The following MADCAM1 variants were observed in gnomAD, a reference collection of about 807,000 sequenced individuals.
MADCAM1 encodes mucosal addressin cell adhesion molecule 1.
A neutral mutation model predicts 26.1 loss-of-function variants in MADCAM1; 19 were observed. The observed-to-expected ratio is 0.73, with a 90% CI of 0.51 to 1.07. MADCAM1 has a LOEUF of 1.07. Among genes scored for constraint, MADCAM1 ranks in the 50% least tolerant of loss-of-function variants. The pLI is 0.00. For missense variants in MADCAM1, 514 were observed against 542.1 expected (o/e 0.95, Z 0.51); for synonymous variants, 268 against 260.9 (o/e 1.03, Z -0.26).
Position 504,873 on chromosome 19 carries a change from AC to A in MADCAM1, c.1060del (p.His354ThrfsTer6), listed in dbSNP as rs1170450459. The part of the protein sequence containing the change: ...KRCRHLAEDD[T>X]HPPASLRLLP... Reference sequence around the variant, plus strand: ...CTGCCGGCACCTGGCTGAGGACGACACCCACCCACCAGCTTCTCTGAGGCTT... The same window carrying A: ...CTGCCGGCACCTGGCTGAGGACGACACCACCCACCAGCTTCTCTGAGGCTT... On this transcript the variant is annotated frameshift_variant, in exon 5 of 5. Transcript: ENST00000215637. LOFTEE classifies it low-confidence loss of function (END_TRUNC). 1 of 1,612,556 alleles carries A rather than the reference AC, an allele frequency of 6.2e-7. No individual in the cohort carries two copies. The highest frequency in any genetic ancestry group is 8.5e-7 in the Non-Finnish European group (1 of 1,179,898).
At position 498,476 on chromosome 19, in the gene MADCAM1, C is replaced by T. The variant is rs200018491; in HGVS notation, c.338-20C>T. 2 of 1,455,722 alleles carry T rather than the reference C, an allele frequency of 1.4e-6. No homozygotes were observed. Among genetic ancestry groups the T allele is most frequent in the African/African-American group, 1.5e-5 (1 of 67,802 alleles). The allele number at this position is 1,455,722 out of a possible 1,614,324, so 90.2% of individuals were successfully genotyped here. A position where few individuals can be genotyped will look rare whatever the true frequency, so the allele number is the denominator to read the frequency against. On this transcript the variant is annotated intron_variant, in intron 2 of 4. Coordinates refer to ENST00000215637, the MANE Select transcript of MADCAM1 (RefSeq NM_130760.3). ...GCCCTGACTCTGGGCTCAGCCCTCA[C>T]CCCCGACCCTCCATCACAGCCTTCC...
At chr19:499,855 C>A (rs1978310623) in intron 3 of MADCAM1, 1 of 456,242 alleles carries the variant, frequency 2.2e-6, no homozygotes, top group African/African-American at 2.0e-5. Flanking sequence ...CTGCCGGCTT[C>A]TCCCACTAAA....
chr19:504,541 A>G (rs1024515121), intron 4 of MADCAM1, among the ~76,000 whole-genome samples: 2 of 152,136 alleles, frequency 1.3e-5, no homozygotes, highest in Non-Finnish European at 2.9e-5. Flanking sequence ...TTCAGGCGTG[A>G]GCCACCCCGC....
Position 498,804 on chromosome 19 carries a change from A to C in MADCAM1, c.646A>C (p.Ser216Arg). ...GATGAGGCTGCCTGGCTTGGAGCTC[A>C]GCCACCGCCAGGCCATCCCCGGTGA... ...ATMRLPGLEL[S>R]HRQAIPVLHS... is the part of the protein sequence containing the mutation. Residue 216 changes from serine to arginine, a missense_variant, in exon 3 of 5, where the codon AGC becomes CGC. Ser to Arg is a moderately radical substitution (Grantham distance 110). This residue lies in a region of MADCAM1 where 317 missense variants were observed against 313.6 expected (regional missense o/e 1.01). Transcript: ENST00000215637. The C allele has an allele frequency of 7.7e-7, 1 of 1,296,850 alleles. No individual in the cohort carries two copies. Among genetic ancestry groups the C allele is most frequent in the Admixed American group, 2.9e-5 (1 of 34,494 alleles). 80.3% of individuals were successfully genotyped at this position (1,296,850 alleles called of 1,614,324 possible).
Position 501,888 on chromosome 19 carries a change from C to G in MADCAM1, c.887C>G (p.Ser296Cys). ...GSTRTRRPEI[S>C]QAGPTQGEVI... ...ACCAGGACTCGCCGCCCTGAGATCT[C>G]CCAGGCTGGGCCCACGCAGGGAGAA... is the stretch of plus-strand genomic sequence containing the variant. The change falls in exon 4 of 5, where the codon TCC becomes TGC. Residue 296 changes from serine (S) to cysteine (C), a missense_variant. Coordinates refer to ENST00000215637, the MANE Select transcript of MADCAM1 (RefSeq NM_130760.3). 6.4e-7 allele frequency: 1 copy of G among 1,557,378 alleles called. No homozygotes were observed. Among genetic ancestry groups the G allele is most frequent in the Non-Finnish European group, 8.7e-7 (1 of 1,151,648 alleles).
chr19:503,447 A>C (rs3999754), intron 4 of MADCAM1, among the ~76,000 whole-genome samples: 4 of 149,924 alleles, frequency 2.7e-5, no homozygotes, highest in Non-Finnish European at 5.9e-5. Context: ...CGGGCGTGGC[A>C]GCGGGCGCCT....
chr19:504,559 G>A (rs991980529), intron 4 of MADCAM1, among the ~76,000 whole-genome samples, 186 bp from the exon 5 acceptor site: 4 of 152,138 alleles, frequency 2.6e-5, no homozygotes, highest in Non-Finnish European at 4.4e-5. Flanking sequence ...CGCCTGGCCT[G>A]GACTGCCCAT....
intron 3 of MADCAM1, among the ~76,000 whole-genome samples, chr19:501,340 C>G (rs1454745616): frequency 1.3e-5 from 2 of 151,598 alleles, no homozygotes; most frequent in Non-Finnish European, 2.9e-5. Flanking sequence ...ACAAAATTAG[C>G]CAGGTGTGGT....
chr19:498,617 C>CG lies in MADCAM1; in HGVS notation c.464dup (p.Gln156ProfsTer139). ...ACGCGCTCTCCTTCTCCCTGCTCGT[C>CG]GGGGGCCAGGAACTGGAGGGGGCGC... On this transcript the variant is annotated frameshift_variant, in exon 3 of 5. Coordinates refer to ENST00000215637, the MANE Select transcript of MADCAM1 (RefSeq NM_130760.3). LOFTEE classifies it high-confidence loss of function. The CG allele has an allele frequency of 6.8e-7, 1 of 1,476,734 alleles. No individual in the cohort carries two copies. The highest frequency in any genetic ancestry group is 8.9e-7 in the Non-Finnish European group (1 of 1,119,040). 91.5% of individuals were successfully genotyped at this position (1,476,734 alleles called of 1,614,324 possible). A position where few individuals can be genotyped will look rare whatever the true frequency, so the allele number is the denominator to read the frequency against.
intron 3 of MADCAM1, among the ~76,000 whole-genome samples, chr19:500,999 C>G (rs1978319992): frequency 6.6e-6 from 1 of 152,082 alleles, no homozygotes; most frequent in Non-Finnish European, 1.5e-5. Context: ...CCAGCTTGGG[C>G]AACATACGAG....
chr19:503,435 G>A (rs1326698276), intron 4 of MADCAM1, among the ~76,000 whole-genome samples: 2 of 151,342 alleles, frequency 1.3e-5, no homozygotes, highest in African/African-American at 4.9e-5. Flanking sequence ...CAAAAAATTA[G>A]CCGGGCGTGG....
rs78071082 is a variant in MADCAM1, at chr19:501,714, C to G, written c.713C>G (p.Pro238Arg). The G allele has an allele frequency of 3.0e-6, 4 of 1,345,300 alleles. No homozygotes were observed. The highest frequency in any genetic ancestry group is 3.9e-6 in the Non-Finnish European group (4 of 1,033,530). 83.3% of individuals were successfully genotyped at this position (1,345,300 alleles called of 1,614,324 possible). The change falls in exon 4 of 5, where the codon CCG (proline) becomes CGG (arginine). Residue 238 changes from proline to arginine, a missense_variant. Around this residue, in one of 3 missense-constraint regions of MADCAM1, gnomAD observed 45 missense variants for 91.8 expected, o/e 0.49. Transcript: ENST00000215637. Reference sequence around the variant, plus strand: ...CCGGAGCCTCCCGACACCACCTCCCCGGAGTCTCCCGACACCACCTCCCCG... The same window carrying G: ...CCGGAGCCTCCCGACACCACCTCCCGGGAGTCTCCCGACACCACCTCCCCG... ...TSPEPPDTTS[P>R]ESPDTTSPES...
chr19:499,092 G>A (rs1010373040), intron 3 of MADCAM1: 10 of 667,536 alleles, frequency 1.5e-5, no homozygotes, highest in Non-Finnish European at 2.5e-5. Flanking sequence ...GGGGCCCACA[G>A]GAACCTGCAC....
intron 4 of MADCAM1, among the ~76,000 whole-genome samples, chr19:503,512 C>T (rs1326335447): frequency 1.3e-4 from 16 of 126,358 alleles, no homozygotes; most frequent in African/African-American, 3.7e-4. Flanking sequence ...ACCTGGGAGG[C>T]GGAGCCTGCA....
In MADCAM1 at chr19:498,611, G is replaced by A; in HGVS notation, c.453G>A (p.Leu151=). The change falls in exon 3 of 5, where the codon CTG becomes CTA. Residue 151 remains leucine, a synonymous_variant. Coordinates refer to ENST00000215637, the MANE Select transcript of MADCAM1 (RefSeq NM_130760.3). Reference sequence around the variant, plus strand: ...ACCCCAACGCGCTCTCCTTCTCCCTGCTCGTCGGGGGCCAGGAACTGGAGG... The same window carrying A: ...ACCCCAACGCGCTCTCCTTCTCCCTACTCGTCGGGGGCCAGGAACTGGAGG... ...PVDPNALSFS[L]LVGGQELEGA... 2 of 1,477,708 alleles carry A rather than the reference G, an allele frequency of 1.4e-6. No individual in the cohort carries two copies. Among genetic ancestry groups the A allele is most frequent in the African/African-American group, 1.4e-5 (1 of 69,186 alleles). The allele number at this position is 1,477,708 out of a possible 1,614,324, so 91.5% of individuals were successfully genotyped here.
At position 500,956 on chromosome 19, in the gene MADCAM1, G is replaced by GCGGGAGGATCACTTGAGTA. The variant is rs1390101666; in HGVS notation, c.668-711_668-693dup. On this transcript the variant is annotated intron_variant, in intron 3 of 4. Transcript: ENST00000215637. ...TGTAGGCCAGCCATGGGAGGCTGAG[G>GCGGGAGGATCACTTGAGTA]CGGGAGGATCACTTGAGTACAGGAG... Among the ~76,000 whole-genome samples, 80 of 152,310 alleles carry GCGGGAGGATCACTTGAGTA rather than the reference G, an allele frequency of 5.3e-4. 1 individual carries two copies. Among genetic ancestry groups the GCGGGAGGATCACTTGAGTA allele is most frequent in the African/African-American group, 1.9e-3 (78 of 41,568 alleles).
intron 3 of MADCAM1, chr19:499,085 G>T: frequency 1.5e-6 from 1 of 678,590 alleles, no homozygotes; most frequent in Non-Finnish European, 2.7e-6. Context: ...CCTCCCGGGG[G>T]CCCACAGGAA....
At chr19:502,074 C>T (rs972551762) in intron 4 of MADCAM1, 145 bp downstream of exon 4, 40 of 951,552 alleles carry the variant, frequency 4.2e-5, no homozygotes, top group Admixed American at 6.3e-5. Context: ...TGCCCAGCCT[C>T]GGTTTCCCCA....
Position 498,639 on chromosome 19 carries a change from G to T in MADCAM1, c.481G>T (p.Ala161Ser), listed in dbSNP as rs376416942. Residue 161 changes from alanine to serine, a missense_variant, in exon 3 of 5, where the codon GCG becomes TCG. By Grantham distance (99) the Ala-to-Ser change is moderately conservative (BLOSUM62 1). Around this residue, in one of 3 missense-constraint regions of MADCAM1, gnomAD observed 317 missense variants for 313.6 expected, o/e 1.01. Transcript: ENST00000215637. ...CGTCGGGGGCCAGGAACTGGAGGGG[G>T]CGCAAGCCCTGGGCCCGGAGGTGCA... is the stretch of plus-strand genomic sequence containing the variant. ...LLVGGQELEG[A>S]QALGPEVQEE... 166 of 1,467,252 alleles carry T rather than the reference G, an allele frequency of 1.1e-4. No homozygotes were observed. Among genetic ancestry groups the T allele is most frequent in the Non-Finnish European group, 1.5e-4 (162 of 1,115,256 alleles). The allele number at this position is 1,467,252 out of a possible 1,614,324, so 90.9% of individuals were successfully genotyped here.
Sources: gnomAD v4.1 joint callset for allele counts (sites outside exome capture counted in the v4.1 genomes callset) on GRCh38, gnomAD v4.1.1 for gene constraint, gnomAD v4.1.1 regional missense constraint, MANE v1.5 for transcripts, NCBI Gene and HGNC (gene_info 2026-07-23, HGNC 2026-07-21) for gene names.